The following NIBAN1 variants were observed in gnomAD, a reference collection of about 807,000 sequenced individuals.
NIBAN1 encodes niban apoptosis regulator 1, also known as protein Niban 1.
In NIBAN1, 81 loss-of-function variants were observed where a neutral mutation model predicts 75.1. The observed-to-expected ratio is 1.08, with a 90% CI of 0.90 to 1.30. The LOEUF (loss-of-function observed/expected upper bound fraction) is 1.30. Among genes scored for constraint, NIBAN1 ranks in the 50% most tolerant of loss-of-function variants. NIBAN1 has a pLI of 0.00. For missense variants in NIBAN1, 1,133 were observed against 1,128.1 expected, an observed-to-expected ratio of 1.00 and a Z score of -0.06; for synonymous variants, 436 against 424.8, an observed-to-expected ratio of 1.03 and a Z score of -0.32.
chr1:184,894,194 G>A lies in NIBAN1; in HGVS notation c.199C>T (p.Pro67Ser), dbSNP rs1352445758. ...QFLKTKPPLA[P>S]GTILYEAELS... is the part of the protein sequence containing the mutation. Reference sequence around the variant, plus strand: ...TCTGCTTCATACAAAATAGTTCCAGGCGCCAATGGTGGCTTAAAGAAGATG... The same window carrying A: ...TCTGCTTCATACAAAATAGTTCCAGACGCCAATGGTGGCTTAAAGAAGATG... Residue 67 changes from proline (P) to serine (S), a missense_variant, in exon 3 of 14, where the codon CCT (proline) becomes TCT (serine). Coordinates refer to ENST00000367511, the MANE Select transcript of NIBAN1 (RefSeq NM_052966.4). 1.2e-6 allele frequency: 2 copies of A among 1,601,820 alleles called. No individual in the cohort carries two copies. Among genetic ancestry groups the A allele is most frequent in the East Asian group, 2.3e-5 (1 of 44,398 alleles).
intron 5 of NIBAN1, among the ~76,000 whole-genome samples, chr1:184,871,549 C>T (rs1423498798): frequency 6.6e-6 from 1 of 152,034 alleles, no homozygotes; most frequent in African/African-American, 2.4e-5. Flanking sequence ...TGAGACAATA[C>T]ACTTCTGGTG....
intron 2 of NIBAN1, among the ~76,000 whole-genome samples, chr1:184,896,510 G>A (rs1357393448): frequency 6.6e-6 from 1 of 151,946 alleles, no homozygotes; most frequent in Non-Finnish European, 1.5e-5. Flanking sequence ...TTATTTTGTT[G>A]ACTATTTCTT....
intron 1 of NIBAN1, among the ~76,000 whole-genome samples, chr1:184,911,703 T>C (rs942370487): frequency 6.6e-6 from 1 of 152,210 alleles, no homozygotes; most frequent in Non-Finnish European, 1.5e-5. Context: ...ATTTAAAAAG[T>C]CTTTAACAAA....
At chr1:184,798,629 T>C (rs1382005129) in intron 12 of NIBAN1, among the ~76,000 whole-genome samples, 1 of 152,234 alleles carries the variant, frequency 6.6e-6, no homozygotes, top group Non-Finnish European at 1.5e-5. Context: ...AATAGCACTT[T>C]ACCAAGGTAA....
intron 5 of NIBAN1, among the ~76,000 whole-genome samples, chr1:184,869,325 G>A (rs145791824): frequency 1.3e-5 from 2 of 152,118 alleles, no homozygotes; most frequent in African/African-American, 4.8e-5. Flanking sequence ...AAATTAGATC[G>A]TCCAGTATAA....
intron 13 of NIBAN1, among the ~76,000 whole-genome samples, chr1:184,797,760 C>A (rs1433188169): frequency 6.6e-6 from 1 of 152,138 alleles, no homozygotes; most frequent in African/African-American, 2.4e-5. Flanking sequence ...TCATGAGAGA[C>A]CCGAGATTTA....
Position 184,793,079 on chromosome 1 carries a change from T to C in NIBAN1, c.*1898A>G, listed in dbSNP as rs909355328. 1 of 152,198 alleles carries C rather than the reference T, an allele frequency of 6.6e-6. No homozygotes were observed. Among genetic ancestry groups the C allele is most frequent in the Non-Finnish European group, 1.5e-5 (1 of 68,036 alleles). 9.4% of individuals were successfully genotyped at this position (152,198 alleles called of 1,614,324 possible). A position where few individuals can be genotyped will look rare whatever the true frequency, so the allele number is the denominator to read the frequency against. On this transcript the variant is annotated 3_prime_UTR_variant, in exon 14 of 14. Transcript: ENST00000367511. ...CAACAATTAAATATGATATTATACA[T>C]ATACTGAGTATTATTCATGTTTATG...
intron 1 of NIBAN1, among the ~76,000 whole-genome samples, chr1:184,943,471 A>C (rs936642600): frequency 4.6e-5 from 7 of 152,214 alleles, no homozygotes; most frequent in African/African-American, 1.4e-4. Context: ...TTTTCCTGAT[A>C]GAAGCAAAGA....
chr1:184,915,433 C>T (rs1364392964), intron 1 of NIBAN1, among the ~76,000 whole-genome samples: 5 of 152,312 alleles, frequency 3.3e-5, no homozygotes, highest in Middle Eastern at 6.8e-3. Flanking sequence ...CACCAACATA[C>T]GTGCTCACTG....
At chr1:184,969,939 G>C (rs756820430) in intron 1 of NIBAN1, among the ~76,000 whole-genome samples, 9 of 152,068 alleles carry the variant, frequency 5.9e-5, no homozygotes, top group Non-Finnish European at 1.3e-4. Context: ...GCCAAGGCAG[G>C]TGGCTCACTT....
At position 184,799,166 on chromosome 1, in the gene NIBAN1, A is replaced by T. The variant is rs1653960236; in HGVS notation, c.1555-976T>A. Among the ~76,000 whole-genome samples, 3 of 151,972 alleles carry T rather than the reference A, an allele frequency of 2.0e-5. No individual in the cohort carries two copies. In the South Asian group the frequency reaches 6.2e-4, roughly 32 times the overall value. ...ACTTACTCGTCATCTAGCATTAGGT[A>T]TATCTCCCAGTGCTATCCCTCCCCT... On this transcript the variant is annotated intron_variant, in intron 12 of 13. Transcript: ENST00000367511.
intron 5 of NIBAN1, among the ~76,000 whole-genome samples, chr1:184,845,215 A>G (rs1028904543): frequency 6.6e-6 from 1 of 152,356 alleles, no homozygotes; most frequent in Admixed American, 6.5e-5. Flanking sequence ...TCCATTTAAC[A>G]GAGCTTTACA....
At chr1:184,838,488 A>T (rs1011173574) in intron 5 of NIBAN1, among the ~76,000 whole-genome samples, 1 of 152,160 alleles carries the variant, frequency 6.6e-6, no homozygotes, top group Non-Finnish European at 1.5e-5. Flanking sequence ...CAACAATCAC[A>T]TCCTCACGAC....
Position 184,791,851 on chromosome 1 carries a change from T to G in NIBAN1, c.*3126A>C, listed in dbSNP as rs1196409354. On this transcript the variant is annotated 3_prime_UTR_variant, in exon 14 of 14. Transcript: ENST00000367511. The stretch of plus-strand genomic sequence containing the variant: ...AAAGCAAAACAAACTCATGGTGATA[T>G]GCAGTTATTCCATTCAACATGTTAA... 6.6e-6 allele frequency: 1 copy of G among 152,238 alleles called. No homozygotes were observed. The highest frequency in any genetic ancestry group is 1.5e-5 in the Non-Finnish European group (1 of 68,038). The allele number at this position is 152,238 out of a possible 1,614,324, so 9.4% of individuals were successfully genotyped here.
chr1:184,933,336 G>C (rs1243873635), intron 1 of NIBAN1, among the ~76,000 whole-genome samples: 1 of 152,152 alleles, frequency 6.6e-6, no homozygotes, highest in East Asian at 1.9e-4. Context: ...AATTCAGAAG[G>C]TCCCTGCCCT....
At chr1:184,810,599 A>G (rs937997410) in intron 9 of NIBAN1, among the ~76,000 whole-genome samples, 1 of 152,264 alleles carries the variant, frequency 6.6e-6, no homozygotes, top group African/African-American at 2.4e-5. Context: ...CCCAGCAGCC[A>G]TACTTCAACT....
chr1:184,884,209 G>A (rs896794143), intron 5 of NIBAN1, among the ~76,000 whole-genome samples: 3 of 140,972 alleles, frequency 2.1e-5, no homozygotes, highest in African/African-American at 8.0e-5. Context: ...AGCACCATCT[G>A]TGGCTCTTTT....
At chr1:184,896,892 A>G (rs1016021540) in intron 2 of NIBAN1, among the ~76,000 whole-genome samples, 1 of 151,996 alleles carries the variant, frequency 6.6e-6, no homozygotes, top group Non-Finnish European at 1.5e-5. Flanking sequence ...ATTCTGTTCC[A>G]TTGGTCTATG....
intron 5 of NIBAN1, among the ~76,000 whole-genome samples, chr1:184,867,207 C>G (rs1404556122): frequency 6.6e-6 from 1 of 152,028 alleles, no homozygotes; most frequent in Non-Finnish European, 1.5e-5. Context: ...CACACACACA[C>G]ACACACCCCA....
Sources: allele counts gnomAD v4.1 joint callset (sites outside exome capture counted in the v4.1 genomes callset), GRCh38; gene constraint gnomAD v4.1.1; transcripts MANE v1.5; gene names NCBI Gene and HGNC (gene_info 2026-07-23, HGNC 2026-07-21).